NADSYN1: variants seen among roughly 807,000 people sequenced by gnomAD.
The protein encoded by NADSYN1 is glutamine-dependent NAD(+) synthetase.
Under a neutral mutation model 99.3 loss-of-function variants are expected in NADSYN1, and 80 were observed. The observed-to-expected ratio is 0.81, with a 90% CI of 0.67 to 0.97. The LOEUF (loss-of-function observed/expected upper bound fraction) is 0.97. NADSYN1 is among the 50% of genes least tolerant of loss of function. The pLI, the probability that NADSYN1 is intolerant of heterozygous loss-of-function variation, is 0.00. For synonymous variants in NADSYN1, 385 were observed against 372.1 expected (o/e 1.03, Z -0.40); for missense variants, 859 against 948.5 (o/e 0.91, Z 1.24).
intron 12 of NADSYN1, 144 bp from the exon 13 acceptor site, chr11:71,481,779 T>G: frequency 1.5e-6 from 1 of 662,878 alleles, no homozygotes; most frequent in Admixed American, 2.8e-5. Context: ...CGTGCGGGTA[T>G]TTGTCCTGAC....
Position 71,453,210 on chromosome 11 carries a change from A to G in NADSYN1, c.-87A>G. ...GAGGGGGCGGGGCCGGGCAACCCGG[A>G]AGGTCCGGCGTCCCAGCCGCCTACC... is the stretch of plus-strand genomic sequence containing the variant. On this transcript the variant is annotated 5_prime_UTR_variant, in exon 1 of 21. Transcript: ENST00000319023. The G allele has an allele frequency of 8.5e-7, 1 of 1,179,594 alleles. No individual in the cohort carries two copies. The highest frequency in any genetic ancestry group is 2.5e-5 in the East Asian group (1 of 39,362). The allele number at this position is 1,179,594 out of a possible 1,614,324, so 73.1% of individuals were successfully genotyped here. A position where few individuals can be genotyped will look rare whatever the true frequency, so the allele number is the denominator to read the frequency against.
intron 10 of NADSYN1, chr11:71,479,557 C>T (rs1394773650): frequency 1.3e-5 from 2 of 152,194 alleles, no homozygotes; most frequent in Non-Finnish European, 2.9e-5. Context: ...TTATGCACCC[C>T]GTTCCCCTCC....
intron 5 of NADSYN1, among the ~76,000 whole-genome samples, chr11:71,465,648 G>C (rs1949583294): frequency 6.6e-6 from 1 of 152,190 alleles, no homozygotes; most frequent in Admixed American, 6.5e-5. Flanking sequence ...AATGTCCCCA[G>C]ACATTACCAG....
chr11:71,464,045 G>T lies in NADSYN1; in HGVS notation c.318-8G>T. ...CCGGTGTGCACAGCCCTGTTCCCCT[G>T]TCTGCAGGAAGATCCTGCTCATCAG... On this transcript the variant is annotated splice_polypyrimidine_tract_variant and splice_region_variant and intron_variant, in intron 4 of 20. Coordinates refer to ENST00000319023, the MANE Select transcript of NADSYN1 (RefSeq NM_018161.5). 1 of 1,607,592 alleles carries T rather than the reference G, an allele frequency of 6.2e-7. No individual in the cohort carries two copies. Among genetic ancestry groups the T allele is most frequent in the Non-Finnish European group, 8.5e-7 (1 of 1,176,550 alleles).
In NADSYN1 at chr11:71,482,002, T is replaced by C. The variant is rs1170996109; in HGVS notation, c.1127T>C (p.Val376Ala). Residue 376 changes from valine (V) to alanine (A), a missense_variant, in exon 13 of 21, where the codon GTC (valine) becomes GCC (alanine). Val to Ala is a moderately conservative substitution (Grantham distance 64, BLOSUM62 0). Coordinates refer to ENST00000319023, the MANE Select transcript of NADSYN1 (RefSeq NM_018161.5). ...ACLIYSMCCQ[V>A]CEAVRSGNEE... ...CTCATCTACTCCATGTGCTGCCAGG[T>C]CTGCGAGGCCGTGAGGAGTGGAAGT... The C allele has an allele frequency of 1.9e-6, 3 of 1,612,324 alleles. No homozygotes were observed.
At chr11:71,487,822 C>T (rs1250030504) in intron 16 of NADSYN1, among the ~76,000 whole-genome samples, 5 of 110,400 alleles carry the variant, frequency 4.5e-5, no homozygotes, top group African/African-American at 1.5e-4. Flanking sequence ...CAGAGCAAGA[C>T]TCCGTCTCAA....
rs768226661 is a variant in NADSYN1, at chr11:71,490,870, G to C, written c.1588G>C (p.Asp530His). The change falls in exon 17 of 21, where the codon GAC becomes CAC. Residue 530 changes from aspartate (D) to histidine (H), a missense_variant. Transcript: ENST00000319023. ...TCTCCTGGGCTACCTGACCAAGTAC[G>C]ACTGCTCCAGTGCGGACATCAACCC... ...ESLLGYLTKY[D>H]CSSADINPIG... is the part of the protein sequence containing the mutation. 2.5e-6 allele frequency: 4 copies of C among 1,614,066 alleles called. No individual in the cohort carries two copies. Among genetic ancestry groups the C allele is most frequent in the Non-Finnish European group, 3.4e-6 (4 of 1,180,038 alleles).
At chr11:71,478,371 T>C in intron 9 of NADSYN1, 24 bp from the exon 10 acceptor site, 1 of 1,571,026 alleles carries the variant, frequency 6.4e-7, no homozygotes, top group Non-Finnish European at 8.7e-7. Context: ...AATCACGGGT[T>C]CTCTTTGAAA....
At chr11:71,481,677 T>C (rs78434528) in intron 12 of NADSYN1, 23,851 of 600,506 alleles carry the variant, frequency 0.04, 696 homozygotes, top group South Asian at 0.086. Flanking sequence ...ATTGTAATCA[T>C]GCGTATCTGC....
intron 18 of NADSYN1, among the ~76,000 whole-genome samples, chr11:71,492,646 C>G (rs1013113391): frequency 3.3e-5 from 5 of 152,096 alleles, no homozygotes; most frequent in African/African-American, 1.2e-4. Context: ...CCCACGCTGT[C>G]CTGATTATTA....
At chr11:71,455,635 A>G (rs1949508353) in intron 2 of NADSYN1, among the ~76,000 whole-genome samples, 1 of 152,230 alleles carries the variant, frequency 6.6e-6, no homozygotes, top group Non-Finnish European at 1.5e-5. Flanking sequence ...GGCCCCTTCT[A>G]CCATGTGAGG....
rs1159119933 is a variant in NADSYN1 at position 71,466,577 on chromosome 11, G to C, written c.407+2435G>C. 3.3e-5 allele frequency: 5 copies of C among 152,232 alleles called. No homozygotes were observed. The East Asian group carries it at 9.6e-4, about 29-fold the overall frequency. The allele number at this position is 152,232 out of a possible 1,614,324, so 9.4% of individuals were successfully genotyped here. On this transcript the variant is annotated intron_variant, in intron 5 of 20. Transcript: ENST00000319023. ...GGCCACTCTCTTCTGCAGGCTCCAA[G>C]GCTGTAATTTCACTCTCTCTGCCAG...
intron 2 of NADSYN1, chr11:71,455,487 A>G (rs1322003186): frequency 3.0e-6 from 1 of 337,638 alleles, no homozygotes; most frequent in South Asian, 5.5e-5. Context: ...CACAAAATTC[A>G]TATGTTGAAA....
At chr11:71,455,340 A>G (rs949291729) in intron 2 of NADSYN1, 170 bp downstream of exon 2, 7 of 564,330 alleles carry the variant, frequency 1.2e-5, no homozygotes, top group Non-Finnish European at 1.9e-5. Context: ...GGGCAGGCCC[A>G]GGGAGGCTGA....
At chr11:71,487,880 C>T (rs956285835) in intron 16 of NADSYN1, among the ~76,000 whole-genome samples, 1 of 148,076 alleles carries the variant, frequency 6.8e-6, no homozygotes, top group Admixed American at 6.7e-5. Flanking sequence ...CAAACGTAAA[C>T]GTAATCCCTC....
intron 5 of NADSYN1, 46 bp from the exon 6 acceptor site, chr11:71,472,403 T>G: frequency 6.7e-7 from 1 of 1,485,148 alleles, no homozygotes; most frequent in Non-Finnish European, 9.4e-7. Flanking sequence ...ATTCCTCATT[T>G]GTCCTGAGAT....
At position 71,491,283 on chromosome 11, in the gene NADSYN1, C is replaced by T. The variant is rs1214295597; in HGVS notation, c.1694+307C>T. On this transcript the variant is annotated intron_variant, in intron 17 of 20. Transcript: ENST00000319023. ...CGAGGCTCGCCACATCTGAGCAGAG[C>T]GCCTGTGCTTTAGCAGTGACTGCAG... Among the ~76,000 whole-genome samples, 4 of 152,272 alleles carry T rather than the reference C, an allele frequency of 2.6e-5. 1 individual carries two copies. The highest frequency in any genetic ancestry group is 4.1e-4 in the South Asian group (2 of 4,834).
chr11:71,500,173 A>G (rs1226057252), intron 20 of NADSYN1: 2 of 152,310 alleles, frequency 1.3e-5, no homozygotes, highest in Middle Eastern at 3.2e-3. Flanking sequence ...AGAGGCACAC[A>G]CAGGTGCTGT....
Position 71,453,310 on chromosome 11 carries a change from T to C in NADSYN1, c.14T>C (p.Val5Ala), listed in dbSNP as rs1193133718. MGRK[V>A]TVATCALNQW... ...ACTGCGGCCAGGATGGGCCGGAAGG[T>C]GACCGTGGCCACCTGCGCACTCAAC... Residue 5 changes from valine (V) to alanine (A), a missense_variant, in exon 1 of 21, where the codon GTG becomes GCG. Val to Ala is a moderately conservative substitution (Grantham distance 64). Coordinates refer to ENST00000319023, the MANE Select transcript of NADSYN1 (RefSeq NM_018161.5). 6.2e-7 allele frequency: 1 copy of C among 1,613,604 alleles called. No individual in the cohort carries two copies. The highest frequency in any genetic ancestry group is 1.7e-5 in the Admixed American group (1 of 60,018).
Sources: gnomAD v4.1 joint callset for allele counts (sites outside exome capture counted in the v4.1 genomes callset) on GRCh38, gnomAD v4.1.1 for gene constraint, MANE v1.5 for transcripts, NCBI Gene and HGNC (gene_info 2026-07-23, HGNC 2026-07-21) for gene names.